MTMR7: variants seen among roughly 807,000 people sequenced by gnomAD.
The protein encoded by MTMR7 is myotubularin related protein 7.
A neutral mutation model predicts 81.2 loss-of-function variants in MTMR7; 76 were observed. The ratio of observed to expected loss-of-function variants is 0.94; its 90% CI spans 0.78 to 1.13. The LOEUF (loss-of-function observed/expected upper bound fraction) is 1.13. Ranked by LOEUF, MTMR7 falls within the 50% of genes most tolerant of loss-of-function variation. MTMR7 has a pLI of 0.00. For synonymous variants in MTMR7, 372 were observed against 289.8 expected, an observed-to-expected ratio of 1.28 and a Z score of -2.88; for missense variants, 1,044 against 820.0, an observed-to-expected ratio of 1.27 and a Z score of -3.34.
chr8:17,362,998 A>G (rs1205530452), intron 3 of MTMR7, among the ~76,000 whole-genome samples: 1 of 152,236 alleles, frequency 6.6e-6, no homozygotes, highest in Non-Finnish European at 1.5e-5. Context: ...ATTATATTCT[A>G]TTTCAGTCTT....
intron 7 of MTMR7, among the ~76,000 whole-genome samples, chr8:17,320,873 T>C (rs927225665): frequency 1.3e-5 from 2 of 152,222 alleles, no homozygotes; most frequent in African/African-American, 2.4e-5. Context: ...TTGGGCTTTC[T>C]GTCCAACCCC....
rs1487936260 is a variant in MTMR7, at chr8:17,353,402, C to T, written c.469-4321G>A. Among the ~76,000 whole-genome samples, 6 of 152,102 alleles carry T rather than the reference C, an allele frequency of 3.9e-5. No individual in the cohort carries two copies. The East Asian group carries it at 1.2e-3, about 29-fold the overall frequency. ...TCTACTTAACACTCCTAAACTATAC[C>T]TTAAAAATGACTAAGATGGCAAACT... is the stretch of plus-strand genomic sequence containing the variant. On this transcript the variant is annotated intron_variant, in intron 4 of 13. Transcript: ENST00000180173.
At chr8:17,354,279 A>G (rs1819820751) in intron 4 of MTMR7, among the ~76,000 whole-genome samples, 1 of 152,234 alleles carries the variant, frequency 6.6e-6, no homozygotes, top group South Asian at 2.1e-4. Context: ...AAAATAATGC[A>G]TGATACATAA....
intron 6 of MTMR7, among the ~76,000 whole-genome samples, chr8:17,340,726 A>G (rs1563346267): frequency 6.6e-6 from 1 of 152,194 alleles, no homozygotes; most frequent in Non-Finnish European, 1.5e-5. Context: ...TAATACATAC[A>G]TAATTGTAAA....
In MTMR7 at chr8:17,327,704, G is replaced by A. The variant is rs529185465; in HGVS notation, c.865+3446C>T. 4.6e-5 allele frequency among the ~76,000 whole-genome samples: 7 copies of A among 151,846 alleles called. No individual in the cohort carries two copies. The South Asian group carries it at 1.0e-3, about 23-fold the overall frequency. ...CTGTCTAAGCCAATTTAAATAATAC[G>A]ATAAATATTTAGAGCACTAGTTTTA... On this transcript the variant is annotated intron_variant, in intron 7 of 13. Coordinates refer to ENST00000180173, the MANE Select transcript of MTMR7 (RefSeq NM_004686.5).
At chr8:17,350,808 C>A (rs1314584187) in intron 4 of MTMR7, among the ~76,000 whole-genome samples, 1 of 152,198 alleles carries the variant, frequency 6.6e-6, no homozygotes, top group Non-Finnish European at 1.5e-5. Flanking sequence ...AATAAAAGGG[C>A]CACAGAAGAG....
chr8:17,353,362 G>A (rs1218869213), intron 4 of MTMR7, among the ~76,000 whole-genome samples: 24 of 152,054 alleles, frequency 1.6e-4, no homozygotes, highest in Non-Finnish European at 3.4e-4. Context: ...ATCTATTATA[G>A]TACAAGAATG....
chr8:17,352,834 G>C (rs1115809), intron 4 of MTMR7, among the ~76,000 whole-genome samples: 14,375 of 152,242 alleles, frequency 0.094, 949 homozygotes, highest in Non-Finnish European at 0.15. Context: ...TGAAACCCTA[G>C]TGCACTGTGG....
At chr8:17,304,304 T>C in intron 12 of MTMR7, 75 bp downstream of exon 12, 1 of 1,525,810 alleles carries the variant, frequency 6.6e-7, no homozygotes. Flanking sequence ...GTCATACACT[T>C]TGACCTCTGA....
intron 5 of MTMR7, 101 bp from the exon 6 acceptor site, chr8:17,341,598 T>G: frequency 7.2e-7 from 1 of 1,398,260 alleles, no homozygotes; most frequent in Non-Finnish European, 9.7e-7. Context: ...GGCTCACTGA[T>G]AGTCCACCTC....
chr8:17,376,270 C>A (rs1820584077), intron 1 of MTMR7, among the ~76,000 whole-genome samples: 1 of 152,164 alleles, frequency 6.6e-6, no homozygotes, highest in Middle Eastern at 3.2e-3. Flanking sequence ...TGTACCAGTG[C>A]TTTACTTTTT....
chr8:17,362,759 G>T (rs530784349), intron 3 of MTMR7, among the ~76,000 whole-genome samples: 1 of 152,086 alleles, frequency 6.6e-6, no homozygotes, highest in Non-Finnish European at 1.5e-5. Flanking sequence ...ATAGTATTCA[G>T]TGTGAACAAT....
rs1473944260 is a variant in MTMR7, at chr8:17,361,225, T to C, written c.360A>G (p.Lys120=). The change falls in exon 4 of 14, where the codon AAA becomes AAG. Residue 120 remains lysine (K), a synonymous_variant. Coordinates refer to ENST00000180173, the MANE Select transcript of MTMR7 (RefSeq NM_004686.5). ...GCACCCAGCCTTGCTCTCTTTCTTC[T>C]TTATCCAGCATGGGGTTGAATGAAA... The part of the protein sequence containing the change: ...YCFSFNPMLD[K]EEREQGWVLI... 1 of 1,614,206 alleles carries C rather than the reference T, an allele frequency of 6.2e-7. No individual in the cohort carries two copies.
At chr8:17,410,183 G>C (rs1320540149) in intron 1 of MTMR7, among the ~76,000 whole-genome samples, 1 of 152,186 alleles carries the variant, frequency 6.6e-6, no homozygotes, top group Non-Finnish European at 1.5e-5. Flanking sequence ...TCAGACTAGG[G>C]GGTAGGTGTA....
At chr8:17,357,707 A>T (rs1272685491) in intron 4 of MTMR7, among the ~76,000 whole-genome samples, 2 of 152,220 alleles carry the variant, frequency 1.3e-5, no homozygotes, top group African/African-American at 2.4e-5. Context: ...ATGCTATAAT[A>T]AAGGCAAAGG....
rs1203012105 is a variant in MTMR7 at position 17,298,661 on chromosome 8, G to A, written c.*1201C>T. ...GTTTAATCCTTTTACATTCTAGAATGTACTAATATATTAAAACCATACAGT... is the reference window on the plus strand; with the variant it reads ...GTTTAATCCTTTTACATTCTAGAATATACTAATATATTAAAACCATACAGT... On this transcript the variant is annotated 3_prime_UTR_variant, in exon 14 of 14. Coordinates refer to ENST00000180173, the MANE Select transcript of MTMR7 (RefSeq NM_004686.5). 6.6e-6 allele frequency: 1 copy of A among 152,438 alleles called. No individual in the cohort carries two copies. Among genetic ancestry groups the A allele is most frequent in the Non-Finnish European group, 1.5e-5 (1 of 67,966 alleles). 9.4% of individuals were successfully genotyped at this position (152,438 alleles called of 1,614,324 possible).
intron 1 of MTMR7, among the ~76,000 whole-genome samples, chr8:17,380,603 C>CA (rs1820728743): frequency 6.6e-6 from 1 of 150,384 alleles, no homozygotes; most frequent in Non-Finnish European, 1.5e-5. Context: ...GCATAATTTT[C>CA]ATGATATCCA....
chr8:17,343,716 C>T (rs1471213225), intron 5 of MTMR7, among the ~76,000 whole-genome samples: 1 of 152,176 alleles, frequency 6.6e-6, no homozygotes, highest in Non-Finnish European at 1.5e-5. Context: ...GCATATTAAA[C>T]AGACTACATT....
At chr8:17,307,297 A>C (rs1224595353) in intron 10 of MTMR7, among the ~76,000 whole-genome samples, 1 of 152,248 alleles carries the variant, frequency 6.6e-6, no homozygotes, top group Non-Finnish European at 1.5e-5. Context: ...GCTCATCATC[A>C]CTGGCCATCA....
Sources: gnomAD v4.1 joint callset for allele counts (sites outside exome capture counted in the v4.1 genomes callset) on GRCh38, gnomAD v4.1.1 for gene constraint, MANE v1.5 for transcripts, NCBI Gene and HGNC (gene_info 2026-07-23, HGNC 2026-07-21) for gene names.